The following DLGAP2 variants were observed in gnomAD, a reference collection of about 807,000 sequenced individuals.
The protein encoded by DLGAP2 is disks large-associated protein 2.
In DLGAP2, 26 loss-of-function variants were observed where a neutral mutation model predicts 100.3. The ratio of observed to expected loss-of-function variants is 0.26; its 90% CI spans 0.19 to 0.36. The LOEUF is 0.36. DLGAP2 is among the 10% of genes least tolerant of loss of function. The pLI, the probability that DLGAP2 is intolerant of heterozygous loss-of-function variation, is 1.00. For synonymous variants in DLGAP2, 886 were observed against 630.1 expected (o/e 1.41, Z -6.08); for missense variants, 1,858 against 1,453.2 (o/e 1.28, Z -4.53).
chr8:1,501,404 T>C lies in DLGAP2; in HGVS notation c.145T>C (p.Phe49Leu). 1 of 1,535,824 alleles carries C rather than the reference T, an allele frequency of 6.5e-7. No homozygotes were observed. Among genetic ancestry groups the C allele is most frequent in the Admixed American group, 2.0e-5 (1 of 50,998 alleles). The change falls in exon 4 of 15, where the codon TTT (phenylalanine) becomes CTT (leucine). Residue 49 changes from phenylalanine (F) to leucine (L), a missense_variant. Physicochemically the swap from Phe to Leu is conservative, Grantham distance 22. Transcript: ENST00000637795. ...AGACTTGGTCCAGCCGGGCATCAGC[T>C]TTCCGGGGCCGGCAGAGGAGGATCT... ...AGDLVQPGIS[F>L]PGPAEEDLDP...
intron 3 of DLGAP2, among the ~76,000 whole-genome samples, chr8:1,344,543 A>C (rs536002453): frequency 1.3e-5 from 2 of 152,326 alleles, no homozygotes; most frequent in South Asian, 2.1e-4. Flanking sequence ...CATTTTCTCC[A>C]TAAGGATGTC....
intron 2 of DLGAP2, among the ~76,000 whole-genome samples, chr8:1,131,491 G>T (rs1302536123): frequency 6.6e-6 from 1 of 152,100 alleles, no homozygotes; most frequent in Non-Finnish European, 1.5e-5. Flanking sequence ...CCCACCTTGG[G>T]TTCTCCACCA....
intron 2 of DLGAP2, among the ~76,000 whole-genome samples, chr8:945,113 G>C (rs193063112): frequency 5.0e-4 from 76 of 152,322 alleles, no homozygotes; most frequent in African/African-American, 1.8e-3. Flanking sequence ...GTATTGGGGA[G>C]AATGAGGATT....
intron 1 of DLGAP2, among the ~76,000 whole-genome samples, chr8:862,448 AC>A (rs1797411167): frequency 6.6e-6 from 1 of 151,932 alleles, no homozygotes; most frequent in Non-Finnish European, 1.5e-5. Context: ...GACTACAGGC[AC>A]CCACCACCTC....
rs541950762 is a variant in DLGAP2, at chr8:1,070,798, C to T, written c.73+162832C>T. 4.6e-5 allele frequency among the ~76,000 whole-genome samples: 7 copies of T among 152,238 alleles called. No homozygotes were observed. In the East Asian group the frequency reaches 7.7e-4, roughly 17 times the overall value. On this transcript the variant is annotated intron_variant, in intron 2 of 14. Coordinates refer to ENST00000637795, the MANE Select transcript of DLGAP2 (RefSeq NM_001346810.2). ...AGGAAGAAGGACGCGCTGGCTTTTC[C>T]GTGTAGAGAGGCCGTCTGCGTATTC... is the stretch of plus-strand genomic sequence containing the variant.
chr8:1,606,992 T>C (rs1796822280), intron 6 of DLGAP2, among the ~76,000 whole-genome samples: 2 of 152,236 alleles, frequency 1.3e-5, no homozygotes, highest in African/African-American at 4.8e-5. Flanking sequence ...GCCTCCTGTA[T>C]GAGTTTTATG....
At chr8:1,427,837 T>C (rs549818278) in intron 3 of DLGAP2, among the ~76,000 whole-genome samples, 50 of 152,330 alleles carry the variant, frequency 3.3e-4, no homozygotes, top group African/African-American at 1.2e-3. Flanking sequence ...CAGTCTTGGG[T>C]ATGTCTTTAT....
rs113798179 is a variant in DLGAP2 at position 1,114,784 on chromosome 8, G to T, written c.74-144067G>T. On this transcript the variant is annotated intron_variant, in intron 2 of 14. Transcript: ENST00000637795. ...CTTCTCCAATTCTTTTAATTGTGAT[G>T]TTAGGTAGTTAATTTGAGATCTTTC... Among the ~76,000 whole-genome samples, 98 of 152,210 alleles carry T rather than the reference G, an allele frequency of 6.4e-4. 1 individual carries two copies. Among genetic ancestry groups the T allele is most frequent in the African/African-American group, 2.2e-3 (93 of 41,532 alleles).
chr8:1,255,386 CTG>C (rs1225627270), intron 2 of DLGAP2, among the ~76,000 whole-genome samples: 2 of 121,294 alleles, frequency 1.6e-5, no homozygotes, highest in African/African-American at 6.2e-5. Context: ...TGCCCGGGTG[CTG>C]TGTGTGTGTC....
chr8:1,671,657 A>G (rs73547746), intron 10 of DLGAP2, among the ~76,000 whole-genome samples: 29,228 of 152,214 alleles, frequency 0.19, 3,535 homozygotes, highest in East Asian at 0.44. Context: ...GTGATCCCTA[A>G]TGAGTGAGGG....
At chr8:1,331,990 G>A (rs1444586194) in intron 3 of DLGAP2, among the ~76,000 whole-genome samples, 2 of 152,192 alleles carry the variant, frequency 1.3e-5, no homozygotes, top group Non-Finnish European at 2.9e-5. Flanking sequence ...CCCCAGGGTG[G>A]GCCAGGGCTG....
intron 1 of DLGAP2, among the ~76,000 whole-genome samples, chr8:857,870 T>G (rs1797310638): frequency 8.3e-6 from 1 of 121,114 alleles, no homozygotes; most frequent in South Asian, 3.1e-4. Flanking sequence ...AACTTGCACA[T>G]GATTTTTTTT....
intron 2 of DLGAP2, among the ~76,000 whole-genome samples, chr8:980,989 A>G (rs920123516): frequency 6.6e-6 from 1 of 152,120 alleles, no homozygotes; most frequent in Non-Finnish European, 1.5e-5. Flanking sequence ...AATTATATCT[A>G]TAATGTTATG....
At chr8:1,343,937 C>T (rs1801480250) in intron 3 of DLGAP2, among the ~76,000 whole-genome samples, 1 of 152,210 alleles carries the variant, frequency 6.6e-6, no homozygotes, top group African/African-American at 2.4e-5. Context: ...CAGGGCTTTC[C>T]CTCCTGGCCG....
chr8:1,625,038 T>C (rs1184166429), intron 6 of DLGAP2, among the ~76,000 whole-genome samples: 1 of 151,996 alleles, frequency 6.6e-6, no homozygotes. Context: ...TTGAGTCCAG[T>C]TTTTTTTCTC....
intron 8 of DLGAP2, among the ~76,000 whole-genome samples, chr8:1,661,688 C>T (rs1798412377): frequency 1.3e-5 from 2 of 152,142 alleles, no homozygotes; most frequent in African/African-American, 4.8e-5. Flanking sequence ...ATGCAGTGAT[C>T]TGGTGAATTG....
intron 3 of DLGAP2, among the ~76,000 whole-genome samples, chr8:1,298,345 G>A (rs1191137362): frequency 1.3e-5 from 2 of 152,192 alleles, no homozygotes; most frequent in Non-Finnish European, 2.9e-5. Context: ...AGCCTACAGA[G>A]GCCGCGTCCT....
chr8:913,962 A>C (rs755866906), intron 2 of DLGAP2, among the ~76,000 whole-genome samples: 14 of 152,306 alleles, frequency 9.2e-5, no homozygotes, highest in South Asian at 2.1e-4. Flanking sequence ...TGCTGCCACA[A>C]TAAGTGGGAA....
chr8:1,425,408 A>G (rs1260124507), intron 3 of DLGAP2, among the ~76,000 whole-genome samples: 1 of 152,226 alleles, frequency 6.6e-6, no homozygotes, highest in African/African-American at 2.4e-5. Context: ...GCTACTCGAC[A>G]GCATCGCCCA....
Sources: allele counts gnomAD v4.1 joint callset (sites outside exome capture counted in the v4.1 genomes callset), GRCh38; gene constraint gnomAD v4.1.1; transcripts MANE v1.5; gene names NCBI Gene and HGNC (gene_info 2026-07-23, HGNC 2026-07-21).